The following WDFY3 variants were observed in gnomAD, a reference collection of about 807,000 sequenced individuals.
WDFY3 encodes the protein WD repeat and FYVE domain containing 3.
WDFY3 carries 66 observed loss-of-function variants against 409.6 expected under a neutral mutation model. The observed-to-expected ratio is 0.16, with a 90% CI of 0.13 to 0.20. The LOEUF is 0.20. Ranked by LOEUF, WDFY3 falls within the 10% of genes least tolerant of loss-of-function variation. The pLI is 1.00. For missense variants in WDFY3, 3,031 were observed against 4,298.1 expected (o/e 0.71, Z 8.24); for synonymous variants, 1,521 against 1,537.1 (o/e 0.99, Z 0.25).
chr4:84,682,322 C>T (rs1727505053), intron 64 of WDFY3, 52 bp downstream of exon 64: 1 of 1,554,380 alleles, frequency 6.4e-7, no homozygotes. Flanking sequence ...TCCACAGTGA[C>T]TTAAAAGAAA....
chr4:84,704,391 C>T lies in WDFY3; in HGVS notation c.8389G>A (p.Ala2797Thr). 1 of 1,613,138 alleles carries T rather than the reference C, an allele frequency of 6.2e-7. No individual in the cohort carries two copies. The highest frequency in any genetic ancestry group is 1.1e-5 in the South Asian group (1 of 90,904). ...GGCTCCATCCTTACAAGGTATGAGGCCACAATCATTGCAGATGAATAGTGG... is the reference window on the plus strand; with the variant it reads ...GGCTCCATCCTTACAAGGTATGAGGTCACAATCATTGCAGATGAATAGTGG... ...GTHYSSAMIV[A>T]SYLVRMEPFT... Residue 2797 changes from alanine to threonine, a missense_variant, in exon 55 of 68, where the codon GCC becomes ACC. Physicochemically the swap from Ala to Thr is moderately conservative, Grantham distance 58. This residue lies in a region of WDFY3 where 129 missense variants were observed against 305.3 expected (regional missense o/e 0.42). Transcript: ENST00000295888.
At chr4:84,687,643 T>C (rs575554924) in intron 62 of WDFY3, 2 of 152,738 alleles carry the variant, frequency 1.3e-5, no homozygotes, top group East Asian at 3.9e-4. Context: ...AAAGAAAAGG[T>C]AGTAACTTTT....
chr4:84,941,623 C>T (rs949443519), intron 1 of WDFY3, among the ~76,000 whole-genome samples: 7 of 151,980 alleles, frequency 4.6e-5, no homozygotes, highest in African/African-American at 1.7e-4. Flanking sequence ...CCTATAGATT[C>T]AATGCAATCC....
At chr4:84,802,051 G>A (rs1317281457) in intron 16 of WDFY3, among the ~76,000 whole-genome samples, 187 bp from the exon 17 acceptor site, 1 of 151,424 alleles carries the variant, frequency 6.6e-6, no homozygotes, top group Non-Finnish European at 1.5e-5. Flanking sequence ...AGGTTCAAGT[G>A]ATTCTCCTGC....
At position 84,751,586 on chromosome 4, in the gene WDFY3, G is replaced by A. The variant is rs369049514; in HGVS notation, c.5870C>T (p.Pro1957Leu). Residue 1957 changes from proline (P) to leucine (L), a missense_variant, in exon 36 of 68, where the codon CCG becomes CTG. This residue lies in a region of WDFY3 where 314 missense variants were observed against 397.4 expected (regional missense o/e 0.79). Coordinates refer to ENST00000295888, the MANE Select transcript of WDFY3 (RefSeq NM_014991.6). ...VGTKTYLTNHPAKKFVFDFMR... is the reference protein window; with the variant it reads ...VGTKTYLTNHLAKKFVFDFMR... ...GAAGTCAAAAACGAACTTTTTAGCC[G>A]GGTGATTGGTCAGATATGTCTTGGT... The A allele has an allele frequency of 3.7e-6, 6 of 1,613,990 alleles. No individual in the cohort carries two copies. The East Asian group carries it at 6.7e-5, about 18-fold the overall frequency.
chr4:84,960,422 C>A (rs1478169352), intron 1 of WDFY3, among the ~76,000 whole-genome samples: 1 of 152,184 alleles, frequency 6.6e-6, no homozygotes, highest in East Asian at 1.9e-4. Flanking sequence ...TTCCACTCAA[C>A]TGTAAGCTCT....
At chr4:84,690,794 C>T (rs1560535961) in intron 60 of WDFY3, 130 bp from the exon 61 acceptor site, 7 of 1,149,554 alleles carry the variant, frequency 6.1e-6, no homozygotes, top group Non-Finnish European at 8.3e-6. Context: ...TCTGAGCTAG[C>T]TTTAGTTCAG....
chr4:84,738,933 C>G, intron 40 of WDFY3, 77 bp downstream of exon 40: 2 of 1,495,846 alleles, frequency 1.3e-6, no homozygotes, highest in South Asian at 2.3e-5. Context: ...GTTTCTGAAG[C>G]CAATTTGTTG....
chr4:84,950,517 C>A, intron 1 of WDFY3, among the ~76,000 whole-genome samples: 1 of 151,950 alleles, frequency 6.6e-6, no homozygotes, highest in East Asian at 1.9e-4. Context: ...TTTAGGCGGG[C>A]AAGGTGGCTC....
In WDFY3 at chr4:84,815,916, T is replaced by G. The variant is rs189982410; in HGVS notation, c.1887+1476A>C. On this transcript the variant is annotated intron_variant, in intron 13 of 67. Transcript: ENST00000295888. ...AAACTTTCATCTACTATCTTTAGTA[T>G]CCAGTGATGAATTTTACTTGAATCA... 2.8e-3 allele frequency among the ~76,000 whole-genome samples: 432 copies of G among 152,282 alleles called. 2 individuals are homozygous for G. Among genetic ancestry groups the G allele is most frequent in the African/African-American group, 1.0e-2 (414 of 41,582 alleles).
At chr4:84,922,585 T>C (rs1036898043) in intron 2 of WDFY3, among the ~76,000 whole-genome samples, 5 of 152,122 alleles carry the variant, frequency 3.3e-5, no homozygotes, top group African/African-American at 4.8e-5. Flanking sequence ...AGCATGTAAA[T>C]ATGGCCAACA....
intron 3 of WDFY3, among the ~76,000 whole-genome samples, chr4:84,883,861 T>C (rs1763857059): frequency 6.6e-6 from 1 of 152,104 alleles, no homozygotes; most frequent in South Asian, 2.1e-4. Context: ...AAACACAAAA[T>C]ACAAACTACA....
At chr4:84,734,350 T>C (rs1192801812) in intron 43 of WDFY3, among the ~76,000 whole-genome samples, 19 of 152,168 alleles carry the variant, frequency 1.2e-4, no homozygotes. Flanking sequence ...ATTTCTAAAA[T>C]ATAACTGACA....
At chr4:84,788,900 G>A (rs1037106184) in intron 22 of WDFY3, among the ~76,000 whole-genome samples, 2 of 152,094 alleles carry the variant, frequency 1.3e-5, no homozygotes, top group African/African-American at 4.8e-5. Flanking sequence ...CATGCCTGTA[G>A]TCCCAGCTAT....
At chr4:84,898,160 T>A (rs1288360434) in intron 2 of WDFY3, among the ~76,000 whole-genome samples, 2 of 152,210 alleles carry the variant, frequency 1.3e-5, no homozygotes, top group African/African-American at 4.8e-5. Flanking sequence ...TTTGAAGTGC[T>A]CAACAGCTAT....
chr4:84,927,414 C>G (rs766549810), intron 2 of WDFY3, among the ~76,000 whole-genome samples: 9 of 152,018 alleles, frequency 5.9e-5, no homozygotes, highest in Non-Finnish European at 1.3e-4. Context: ...AACTATACAG[C>G]CTTCCATAAG....
chr4:84,809,499 G>C (rs1424080626), intron 14 of WDFY3: 1 of 160,304 alleles, frequency 6.2e-6, no homozygotes, highest in Non-Finnish European at 1.4e-5. Context: ...GAATGATGGA[G>C]TACGTGTCTG....
At chr4:84,749,116 C>T (rs1740036945) in intron 36 of WDFY3, among the ~76,000 whole-genome samples, 1 of 152,090 alleles carries the variant, frequency 6.6e-6, no homozygotes, top group Non-Finnish European at 1.5e-5. Context: ...GAACTCCTAA[C>T]TTTAAGCAAT....
At chr4:84,892,017 C>T (rs1268293123) in intron 3 of WDFY3, among the ~76,000 whole-genome samples, 3 of 147,436 alleles carry the variant, frequency 2.0e-5, no homozygotes, top group Non-Finnish European at 3.0e-5. Context: ...AGAAAAATGG[C>T]CTTCAATTTT....
Sources: gnomAD v4.1 joint callset for allele counts (sites outside exome capture counted in the v4.1 genomes callset) on GRCh38, gnomAD v4.1.1 for gene constraint, gnomAD v4.1.1 regional missense constraint, MANE v1.5 for transcripts, NCBI Gene and HGNC (gene_info 2026-07-23, HGNC 2026-07-21) for gene names.